GABRG3: variants seen among roughly 807,000 people sequenced by gnomAD.
The protein encoded by GABRG3 is gamma-aminobutyric acid type A receptor subunit gamma3, also known as gamma-aminobutyric acid receptor subunit gamma-3.
A neutral mutation model predicts 48.8 loss-of-function variants in GABRG3; 25 were observed. The ratio of observed to expected loss-of-function variants is 0.51; its 90% confidence interval spans 0.37 to 0.72. The LOEUF is 0.72. Ranked by LOEUF, GABRG3 falls within the 30% of genes least tolerant of loss-of-function variation. The probability of loss-of-function intolerance (pLI) is 0.00; values close to 1 mark genes in which losing one functional copy is unlikely to be tolerated. For missense variants in GABRG3, 394 were observed against 577.9 expected, an observed-to-expected ratio of 0.68 and a Z score of 3.26; for synonymous variants, 227 against 217.6, an observed-to-expected ratio of 1.04 and a Z score of -0.38.
At chr15:27,327,173 C>A in intron 4 of GABRG3, 144 bp downstream of exon 4, 2 of 698,656 alleles carry the variant, frequency 2.9e-6, no homozygotes, top group Admixed American at 2.7e-5. Flanking sequence ...AGAAAGTCTG[C>A]CCTCATGCAA....
At chr15:27,092,741 G>A (rs908974977) in intron 3 of GABRG3, among the ~76,000 whole-genome samples, 1 of 152,178 alleles carries the variant, frequency 6.6e-6, no homozygotes, top group Admixed American at 6.5e-5. Flanking sequence ...AGAACAGGAA[G>A]GGCGGGACCT....
intron 3 of GABRG3, among the ~76,000 whole-genome samples, chr15:27,100,638 G>A (rs139205950): frequency 2.0e-5 from 3 of 152,226 alleles, no homozygotes; most frequent in Non-Finnish European, 4.4e-5. Context: ...ATGACCAGGT[G>A]GGATTTCTTT....
intron 2 of GABRG3, among the ~76,000 whole-genome samples, chr15:26,991,131 A>C (rs1895240947): frequency 6.6e-6 from 1 of 152,210 alleles, no homozygotes; most frequent in Non-Finnish European, 1.5e-5. Flanking sequence ...ATTCTTCTGC[A>C]TATGAATATC....
At chr15:27,200,579 G>A (rs1595581669) in intron 3 of GABRG3, among the ~76,000 whole-genome samples, 1 of 152,120 alleles carries the variant, frequency 6.6e-6, no homozygotes, top group Admixed American at 6.6e-5. Context: ...TCTGGCACAG[G>A]CAAAGTGACC....
intron 5 of GABRG3, among the ~76,000 whole-genome samples, chr15:27,393,839 C>G (rs919802430): frequency 6.6e-6 from 1 of 152,140 alleles, no homozygotes; most frequent in African/African-American, 2.4e-5. Context: ...CCGCTGATAC[C>G]TTGATTTCAG....
intron 2 of GABRG3, among the ~76,000 whole-genome samples, chr15:27,004,353 G>A (rs1206794074): frequency 6.6e-6 from 1 of 151,784 alleles, no homozygotes; most frequent in African/African-American, 2.4e-5. Context: ...GACAATGGGC[G>A]GCCGGGCAGA....
At chr15:27,472,752 A>T (rs1889823525) in intron 5 of GABRG3, among the ~76,000 whole-genome samples, 1 of 152,162 alleles carries the variant, frequency 6.6e-6, no homozygotes, top group African/African-American at 2.4e-5. Flanking sequence ...CTATTAATTT[A>T]AGTTATTGGA....
chr15:27,057,692 G>T (rs1361504677), intron 3 of GABRG3, among the ~76,000 whole-genome samples: 1 of 152,286 alleles, frequency 6.6e-6, no homozygotes, highest in Non-Finnish European at 1.5e-5. Context: ...GTAAAAACTG[G>T]TGTTGTTGTC....
chr15:27,410,767 C>T (rs987325470), intron 5 of GABRG3, among the ~76,000 whole-genome samples: 10 of 151,482 alleles, frequency 6.6e-5, no homozygotes, highest in African/African-American at 2.4e-4. Flanking sequence ...CTGTGGAATT[C>T]TTGGTTAGCA....
chr15:27,147,628 C>A (rs1898233663), intron 3 of GABRG3, among the ~76,000 whole-genome samples: 1 of 151,802 alleles, frequency 6.6e-6, no homozygotes, highest in South Asian at 2.1e-4. Context: ...AAGTGTATTT[C>A]CCATTCAAAA....
chr15:27,073,157 G>A (rs1280642990), intron 3 of GABRG3, among the ~76,000 whole-genome samples: 1 of 152,186 alleles, frequency 6.6e-6, no homozygotes, highest in Non-Finnish European at 1.5e-5. Context: ...AGCAGAGGCA[G>A]AATCCTCTCT....
In GABRG3 at chr15:27,369,801, C is replaced by G. The variant is rs1180311686; in HGVS notation, c.574+40913C>G. Among the ~76,000 whole-genome samples the G allele has an allele frequency of 6.7e-5, 7 of 103,992 alleles. 1 individual carries two copies. Among genetic ancestry groups the G allele is most frequent in the African/African-American group, 4.4e-4 (6 of 13,528 alleles). 68.2% of individuals were successfully genotyped at this position (103,992 alleles called of 152,430 possible). On this transcript the variant is annotated intron_variant, in intron 5 of 9. Coordinates refer to ENST00000615808, the MANE Select transcript of GABRG3 (RefSeq NM_033223.5). ...CAGCCTGGGCGACAGAGTGAGACTC[C>G]GTCTCAAAAAAAAAAAAAAAAAAAA...
chr15:27,360,837 T>A (rs9672527), intron 5 of GABRG3, among the ~76,000 whole-genome samples: 55,317 of 152,130 alleles, frequency 0.36, 12,544 homozygotes, highest in African/African-American at 0.64. Flanking sequence ...TTTGGCTCCC[T>A]GATGAGTTTG....
rs545927025 is a variant in GABRG3, at chr15:27,038,556, C to T, written c.270+11735C>T. ...ACCACGCTCTTCTCCTGGACACCAC[C>T]GGCTTCCCTTCCCTGTGTTAGGGTT... On this transcript the variant is annotated intron_variant, in intron 3 of 9. Coordinates refer to ENST00000615808, the MANE Select transcript of GABRG3 (RefSeq NM_033223.5). 5.3e-5 allele frequency among the ~76,000 whole-genome samples: 8 copies of T among 152,310 alleles called. No individual in the cohort carries two copies. The East Asian group carries it at 5.8e-4, about 11-fold the overall frequency.
At chr15:27,075,587 A>G (rs1022106559) in intron 3 of GABRG3, among the ~76,000 whole-genome samples, 1 of 148,366 alleles carries the variant, frequency 6.7e-6, no homozygotes, top group African/African-American at 2.5e-5. Context: ...TGCCCTCTGA[A>G]TAATTCATGG....
chr15:27,211,898 A>G (rs2140435221), intron 3 of GABRG3, among the ~76,000 whole-genome samples: 1 of 152,332 alleles, frequency 6.6e-6, no homozygotes, highest in South Asian at 2.1e-4. Context: ...TAGATGAGTT[A>G]CCATGCCCAT....
intron 3 of GABRG3, among the ~76,000 whole-genome samples, chr15:27,155,858 C>G (rs1411692733): frequency 1.3e-5 from 2 of 152,182 alleles, no homozygotes; most frequent in Non-Finnish European, 2.9e-5. Context: ...TCAGCACTCT[C>G]TGAAACCACC....
At chr15:27,361,519 G>A (rs1895023422) in intron 5 of GABRG3, among the ~76,000 whole-genome samples, 1 of 152,160 alleles carries the variant, frequency 6.6e-6, no homozygotes, top group African/African-American at 2.4e-5. Context: ...CCATGAAATT[G>A]ACTTTAGCAA....
chr15:27,345,624 T>A (rs2140531561), intron 5 of GABRG3, among the ~76,000 whole-genome samples: 1 of 152,364 alleles, frequency 6.6e-6, no homozygotes, highest in Admixed American at 6.5e-5. Context: ...TCCTTTATAC[T>A]TTCTCTAGTA....
Sources: allele counts gnomAD v4.1 joint callset (sites outside exome capture counted in the v4.1 genomes callset), GRCh38; gene constraint gnomAD v4.1.1; transcripts MANE v1.5; gene names NCBI Gene and HGNC (gene_info 2026-07-23, HGNC 2026-07-21).